Variants in HIVEP2 observed in about 807,000 individuals in gnomAD.
The protein encoded by HIVEP2 is transcription factor HIVEP2.
HIVEP2 carries 14 observed loss-of-function variants against 180.7 expected under a neutral mutation model. The observed-to-expected ratio is 0.08, with a 90% CI of 0.05 to 0.12. The LOEUF (loss-of-function observed/expected upper bound fraction) is 0.12, where lower values mean the gene tolerates loss of function less well. Ranked by LOEUF, HIVEP2 falls within the 10% of genes least tolerant of loss-of-function variation. The pLI is 1.00. For synonymous variants in HIVEP2, 1,184 were observed against 1,136.4 expected (o/e 1.04, Z -0.84); for missense variants, 2,579 against 3,008.5 (o/e 0.86, Z 3.34).
intron 1 of HIVEP2, among the ~76,000 whole-genome samples, chr6:142,890,366 C>T (rs889934991): frequency 2.0e-5 from 3 of 152,256 alleles, no homozygotes; most frequent in Admixed American, 6.5e-5. Context: ...ATTGCGTGTA[C>T]TTCTTCACAT....
Position 142,774,557 on chromosome 6 carries a change from G to A in HIVEP2, c.182C>T (p.Ala61Val). 1 of 1,614,210 alleles carries A rather than the reference G, an allele frequency of 6.2e-7. No individual in the cohort carries two copies. Among genetic ancestry groups the A allele is most frequent in the Non-Finnish European group, 8.5e-7 (1 of 1,180,034 alleles). Reference sequence around the variant, plus strand: ...CAGTTTCCCAGAACCAAACAGTTGTGCTGATGCTGTGTTTCCGATTTGCTC... The same window carrying A: ...CAGTTTCCCAGAACCAAACAGTTGTACTGATGCTGTGTTTCCGATTTGCTC... ...EPEQIGNTAS[A>V]QLFGSGKLAS... Residue 61 changes from alanine (A) to valine (V), a missense_variant, in exon 5 of 10, where the codon GCA becomes GTA. Transcript: ENST00000367603. The surrounding 1 kb of genome is among the most constrained non-coding windows in gnomAD (Gnocchi z 5.1).
intron 1 of HIVEP2, among the ~76,000 whole-genome samples, chr6:142,909,476 G>A (rs1777347446): frequency 6.6e-6 from 1 of 152,112 alleles, no homozygotes; most frequent in Non-Finnish European, 1.5e-5. Flanking sequence ...GCAGGGGAGA[G>A]TGCAGCAGTG....
At chr6:142,898,701 G>T (rs1282506631) in intron 1 of HIVEP2, among the ~76,000 whole-genome samples, 1 of 151,936 alleles carries the variant, frequency 6.6e-6, no homozygotes, top group Non-Finnish European at 1.5e-5. Context: ...TGAAATGTAG[G>T]TCACTACTTT....
intron 2 of HIVEP2, among the ~76,000 whole-genome samples, chr6:142,798,837 C>G (rs1373449121): frequency 1.3e-5 from 2 of 152,068 alleles, no homozygotes; most frequent in African/African-American, 4.8e-5. Flanking sequence ...ATTATGCCAG[C>G]AGGTTGTGAG....
At chr6:142,823,288 G>GA (rs1457759345) in intron 2 of HIVEP2, among the ~76,000 whole-genome samples, 10 of 152,092 alleles carry the variant, frequency 6.6e-5, no homozygotes. Context: ...TAAATTCACT[G>GA]AAAAATCCAC....
upstream of HIVEP2, among the ~76,000 whole-genome samples, chr6:142,945,626 C>A (rs1248571404): frequency 6.6e-6 from 1 of 152,210 alleles, no homozygotes; most frequent in Non-Finnish European, 1.5e-5. The surrounding 1 kb of genome is among the most constrained non-coding windows in gnomAD (Gnocchi z 5.5). Context: ...GGGAGACCCT[C>A]CAAGTTGCTC....
intron 7 of HIVEP2, among the ~76,000 whole-genome samples, chr6:142,761,885 C>G (rs946285888): frequency 2.6e-5 from 4 of 152,124 alleles, no homozygotes; most frequent in African/African-American, 9.7e-5. Context: ...GAGAAGGGAC[C>G]TCATATCTAC....
intron 1 of HIVEP2, among the ~76,000 whole-genome samples, chr6:142,840,128 A>G (rs1344506536): frequency 6.6e-6 from 1 of 152,078 alleles, no homozygotes; most frequent in Non-Finnish European, 1.5e-5. Flanking sequence ...GTTACAATCA[A>G]CTCGTCTCTT....
In HIVEP2 at chr6:142,774,984, C is replaced by T. The variant is rs966849414; in HGVS notation, c.-246G>A. The stretch of plus-strand genomic sequence containing the variant: ...CATTGTAGAAACGTCCATCCAAAAG[C>T]TAAGTGCAAATCTATAAAGATTTCT... On this transcript the variant is annotated 5_prime_UTR_variant, in exon 5 of 10. Transcript: ENST00000367603. This position sits in a 1 kb window ranked among gnomAD's most constrained non-coding sequence, Gnocchi z 5.1. 15 of 1,261,566 alleles carry T rather than the reference C, an allele frequency of 1.2e-5. No homozygotes were observed. The African/African-American group carries it at 1.7e-4, about 14-fold the overall frequency. 78.1% of individuals were successfully genotyped at this position (1,261,566 alleles called of 1,614,324 possible). A position where few individuals can be genotyped will look rare whatever the true frequency, so the allele number is the denominator to read the frequency against.
At chr6:142,780,856 G>A (rs984556148) in intron 3 of HIVEP2, among the ~76,000 whole-genome samples, 1 of 152,104 alleles carries the variant, frequency 6.6e-6, no homozygotes, top group Non-Finnish European at 1.5e-5. Flanking sequence ...TGTTTTGTTA[G>A]GTGACACTTT....
At chr6:142,842,429 CT>C (rs1775388523) in intron 1 of HIVEP2, among the ~76,000 whole-genome samples, 1 of 151,898 alleles carries the variant, frequency 6.6e-6, no homozygotes, top group Admixed American at 6.6e-5. Context: ...ATTCTAGACT[CT>C]GTACTGAAAG....
At chr6:142,762,763 T>G (rs1353022089) in intron 7 of HIVEP2, among the ~76,000 whole-genome samples, 1 of 152,208 alleles carries the variant, frequency 6.6e-6, no homozygotes, top group African/African-American at 2.4e-5. Flanking sequence ...ACTGGGACAC[T>G]GTTGTTTATT....
rs1775477091 is a variant in HIVEP2, at chr6:142,769,874, G to A, written c.4865C>T (p.Ser1622Leu). The A allele has an allele frequency of 6.2e-7, 1 of 1,614,012 alleles. No homozygotes were observed. The highest frequency in any genetic ancestry group is 1.3e-5 in the African/African-American group (1 of 74,928). The change falls in exon 5 of 10, where the codon TCA becomes TTA. Residue 1622 changes from serine to leucine, a missense_variant. This residue lies in a region of HIVEP2 where 349 missense variants were observed against 367.2 expected (regional missense o/e 0.95). Transcript: ENST00000367603. ...ASAPSGNVAD[S>L]TLLLTDMADF... ...TGCCATGTCCGTGAGAAGAAGAGTT[G>A]AGTCTGCCACGTTCCCGCTGGGGGC...
At chr6:142,775,917 A>G (rs546977972) in intron 4 of HIVEP2, among the ~76,000 whole-genome samples, 2 of 151,284 alleles carry the variant, frequency 1.3e-5, no homozygotes, top group Non-Finnish European at 2.9e-5. Context: ...TATATGATAC[A>G]TGTTTTATAA....
intron 3 of HIVEP2, among the ~76,000 whole-genome samples, chr6:142,777,740 C>T (rs540711454): frequency 5.6e-4 from 83 of 148,760 alleles, no homozygotes; most frequent in African/African-American, 1.9e-3. Context: ...TACCTTCCAT[C>T]TCATGACTTT....
chr6:142,784,543 C>A (rs539227999), intron 2 of HIVEP2, among the ~76,000 whole-genome samples: 1 of 152,200 alleles, frequency 6.6e-6, no homozygotes, highest in Admixed American at 6.5e-5. Context: ...GCAAGTAGGC[C>A]CACTCGGTTC....
At chr6:142,912,806 C>G (rs1373659848) in intron 1 of HIVEP2, among the ~76,000 whole-genome samples, 1 of 152,216 alleles carries the variant, frequency 6.6e-6, no homozygotes, top group Non-Finnish European at 1.5e-5. Flanking sequence ...GAAAAATTCT[C>G]CTCCATGAAA....
chr6:142,811,200 T>TGTGA (rs552093555), intron 2 of HIVEP2, among the ~76,000 whole-genome samples: 10 of 151,642 alleles, frequency 6.6e-5, no homozygotes, highest in South Asian at 2.1e-4. Flanking sequence ...TGTGTGTGTG[T>TGTGA]GAGAGAGACA....
chr6:142,921,443 G>A (rs1202937688), intron 1 of HIVEP2, among the ~76,000 whole-genome samples: 7 of 152,226 alleles, frequency 4.6e-5, no homozygotes, highest in African/African-American at 1.4e-4. Flanking sequence ...GCTGAGGCAC[G>A]AGAATCGCTT....
Sources: gnomAD v4.1 joint callset for allele counts (sites outside exome capture counted in the v4.1 genomes callset) on GRCh38, gnomAD v4.1.1 for gene constraint, gnomAD v4.1.1 regional missense constraint, Gnocchi (gnomAD v3.1) non-coding constraint, MANE v1.5 for transcripts, NCBI Gene and HGNC (gene_info 2026-07-23, HGNC 2026-07-21) for gene names.